RNF169: variants seen among roughly 807,000 people sequenced by gnomAD.
RNF169 encodes the protein E3 ubiquitin-protein ligase RNF169.
RNF169 carries 24 observed loss-of-function variants against 53.9 expected under a neutral mutation model. The observed-to-expected ratio is 0.45, with a 90% CI of 0.32 to 0.63. RNF169 has a LOEUF of 0.63. Among genes scored for constraint, RNF169 ranks in the 20% least tolerant of loss-of-function variants. The pLI is 0.04. For missense variants in RNF169, 883 were observed against 906.2 expected, an observed-to-expected ratio of 0.97 and a Z score of 0.33; for synonymous variants, 396 against 363.5, an observed-to-expected ratio of 1.09 and a Z score of -1.02.
At chr11:74,785,208 A>T (rs1330906725) in intron 1 of RNF169, among the ~76,000 whole-genome samples, 1 of 69,106 alleles carries the variant, frequency 1.4e-5, no homozygotes, top group African/African-American at 1.1e-4. Flanking sequence ...ATATATATAT[A>T]TGATATATAT....
At chr11:74,774,172 T>C (rs1446683836) in intron 1 of RNF169, among the ~76,000 whole-genome samples, 1 of 151,986 alleles carries the variant, frequency 6.6e-6, no homozygotes, top group Non-Finnish European at 1.5e-5. Flanking sequence ...AAACCCTGTC[T>C]CTGCTAAAAA....
At chr11:74,834,817 C>G (rs1290910133) in intron 5 of RNF169, 42 bp downstream of exon 5, 2 of 1,317,664 alleles carry the variant, frequency 1.5e-6, no homozygotes, top group African/African-American at 2.9e-5. Context: ...TGAGGCTTGC[C>G]CCATCACCCC....
intron 2 of RNF169, among the ~76,000 whole-genome samples, chr11:74,792,760 G>C (rs933834853): frequency 6.6e-6 from 1 of 152,228 alleles, no homozygotes; most frequent in African/African-American, 2.4e-5. Flanking sequence ...ACTGTCATTT[G>C]TGTTCCTGTT....
chr11:74,802,496 A>G (rs1463408727), intron 2 of RNF169, among the ~76,000 whole-genome samples: 1 of 152,126 alleles, frequency 6.6e-6, no homozygotes, highest in Non-Finnish European at 1.5e-5. Flanking sequence ...TACAAAAATT[A>G]GCCAGGCGCG....
At position 74,748,871 on chromosome 11, in the gene RNF169, G is replaced by A. The variant is rs1411094647; in HGVS notation, c.-10G>A. 2 of 1,404,456 alleles carry A rather than the reference G, an allele frequency of 1.4e-6. No individual in the cohort carries two copies. Among genetic ancestry groups the A allele is most frequent in the African/African-American group, 1.5e-5 (1 of 66,474 alleles). 87.0% of individuals were successfully genotyped at this position (1,404,456 alleles called of 1,614,324 possible). A position where few individuals can be genotyped will look rare whatever the true frequency, so the allele number is the denominator to read the frequency against. ...CTCGCAACCGACTCTCCCTTCAAAC[G>A]GGAAACAAGATGGCGGCTGCAGGTC... On this transcript the variant is annotated 5_prime_UTR_variant, in exon 1 of 6. Coordinates refer to ENST00000299563, the MANE Select transcript of RNF169 (RefSeq NM_001098638.2).
chr11:74,759,778 G>A (rs1228547918), intron 1 of RNF169, among the ~76,000 whole-genome samples: 2 of 149,594 alleles, frequency 1.3e-5, no homozygotes, highest in Admixed American at 6.6e-5. Context: ...TCTCTTTTTT[G>A]GTTGTGTCTC....
At chr11:74,772,136 A>G (rs2135326679) in intron 1 of RNF169, among the ~76,000 whole-genome samples, 1 of 152,096 alleles carries the variant, frequency 6.6e-6, no homozygotes. Flanking sequence ...AATTAGTTCT[A>G]TGAATGATTC....
At chr11:74,828,299 A>G (rs1159616336) in intron 4 of RNF169, among the ~76,000 whole-genome samples, 1 of 152,238 alleles carries the variant, frequency 6.6e-6, no homozygotes, top group Non-Finnish European at 1.5e-5. Context: ...TTCAAGGAGA[A>G]CTACAAACCA....
At chr11:74,781,430 A>T (rs1213740376) in intron 1 of RNF169, among the ~76,000 whole-genome samples, 2 of 152,242 alleles carry the variant, frequency 1.3e-5, no homozygotes, top group African/African-American at 4.8e-5. Context: ...ACCAGACAGT[A>T]CAGAAATAGA....
intron 1 of RNF169, among the ~76,000 whole-genome samples, chr11:74,785,161 A>G (rs999335245): frequency 6.5e-5 from 8 of 123,106 alleles, no homozygotes; most frequent in African/African-American, 1.8e-4. Flanking sequence ...GTATTTTTAT[A>G]TATATATATA....
At chr11:74,816,700 G>A (rs781366599) in intron 3 of RNF169, among the ~76,000 whole-genome samples, 29 of 152,182 alleles carry the variant, frequency 1.9e-4, no homozygotes, top group Non-Finnish European at 3.7e-4. Flanking sequence ...ATCCAAATGG[G>A]TAGATAGAGG....
At chr11:74,793,017 G>A (rs1313630593) in intron 2 of RNF169, among the ~76,000 whole-genome samples, 1 of 152,094 alleles carries the variant, frequency 6.6e-6, no homozygotes, top group Non-Finnish European at 1.5e-5. Context: ...CACTAGTATG[G>A]CATATCCATA....
At chr11:74,829,889 A>G (rs563781819) in intron 4 of RNF169, among the ~76,000 whole-genome samples, 3 of 152,304 alleles carry the variant, frequency 2.0e-5, no homozygotes, top group Non-Finnish European at 4.4e-5. Context: ...CATCAGGAAA[A>G]ATAGCTAATG....
intron 1 of RNF169, among the ~76,000 whole-genome samples, chr11:74,773,960 G>A (rs1215441972): frequency 6.6e-6 from 1 of 152,150 alleles, no homozygotes; most frequent in Non-Finnish European, 1.5e-5. Context: ...CCCTCATGGA[G>A]CACATACCAC....
At chr11:74,764,860 G>A (rs1037058198) in intron 1 of RNF169, among the ~76,000 whole-genome samples, 12 of 152,186 alleles carry the variant, frequency 7.9e-5, no homozygotes, top group African/African-American at 2.9e-4. Context: ...ACGTAACGTA[G>A]TTCAATAGGA....
At chr11:74,816,418 A>G (rs2035942402) in intron 3 of RNF169, among the ~76,000 whole-genome samples, 1 of 152,098 alleles carries the variant, frequency 6.6e-6, no homozygotes, top group Non-Finnish European at 1.5e-5. Flanking sequence ...AAAGAAAAAG[A>G]CTCTCATGTT....
At chr11:74,813,103 C>T (rs1357360645) in intron 3 of RNF169, among the ~76,000 whole-genome samples, 2 of 152,212 alleles carry the variant, frequency 1.3e-5, no homozygotes, top group Non-Finnish European at 2.9e-5. Flanking sequence ...AGGAGTTCCT[C>T]TTCTGTTTCT....
intron 1 of RNF169, among the ~76,000 whole-genome samples, chr11:74,769,385 G>A (rs1428050268): frequency 2.0e-5 from 3 of 152,182 alleles, no homozygotes; most frequent in Non-Finnish European, 4.4e-5. Flanking sequence ...TGCTGGAGGA[G>A]TATAAGTTGC....
chr11:74,772,042 C>G (rs1222905901), intron 1 of RNF169, among the ~76,000 whole-genome samples: 5 of 152,176 alleles, frequency 3.3e-5, no homozygotes, highest in South Asian at 2.1e-4. Context: ...GATACTCATT[C>G]TGTATTCAGC....
Sources: allele counts gnomAD v4.1 joint callset (sites outside exome capture counted in the v4.1 genomes callset), GRCh38; gene constraint gnomAD v4.1.1; transcripts MANE v1.5; gene names NCBI Gene and HGNC (gene_info 2026-07-23, HGNC 2026-07-21).